STK24: variants seen among roughly 807,000 people sequenced by gnomAD.
The protein encoded by STK24 is serine/threonine kinase 24.
A neutral mutation model predicts 55.6 loss-of-function variants in STK24; 21 were observed. That is an observed-to-expected ratio of 0.38 (90% confidence interval 0.27 to 0.54). STK24 has a LOEUF of 0.54. Ranked by LOEUF, STK24 falls within the 20% of genes least tolerant of loss-of-function variation. The probability of loss-of-function intolerance (pLI) is 0.79; values close to 1 mark genes in which losing one functional copy is unlikely to be tolerated. For synonymous variants in STK24, 200 were observed against 215.2 expected (o/e 0.93, Z 0.62); for missense variants, 383 against 538.4 (o/e 0.71, Z 2.86).
At chr13:98,467,085 G>A (rs1008685506) in intron 5 of STK24, among the ~76,000 whole-genome samples, 1 of 152,178 alleles carries the variant, frequency 6.6e-6, no homozygotes, top group African/African-American at 2.4e-5. Context: ...GGAGGTGGAA[G>A]AGGAGGAGGT....
intron 2 of STK24, among the ~76,000 whole-genome samples, chr13:98,493,027 C>T (rs536291655): frequency 2.0e-5 from 3 of 152,322 alleles, no homozygotes; most frequent in East Asian, 3.9e-4. Flanking sequence ...AGCCAATGAA[C>T]TCTAATCTGA....
intron 1 of STK24, among the ~76,000 whole-genome samples, chr13:98,562,804 T>TA (rs1897460643): frequency 1.3e-5 from 2 of 150,536 alleles, no homozygotes; most frequent in Admixed American, 1.3e-4. Context: ...CAGTCCCAGC[T>TA]ACTCGGGAGG....
At chr13:98,549,637 C>T (rs770747604) in intron 1 of STK24, among the ~76,000 whole-genome samples, 6 of 152,178 alleles carry the variant, frequency 3.9e-5, no homozygotes, top group African/African-American at 7.2e-5. Flanking sequence ...ACTTCACCTT[C>T]GGCCATGAGT....
At chr13:98,552,040 G>A (rs1232800173) in intron 1 of STK24, among the ~76,000 whole-genome samples, 2 of 152,124 alleles carry the variant, frequency 1.3e-5, no homozygotes, top group African/African-American at 4.8e-5. Flanking sequence ...CTAAATGTAC[G>A]ATAGTGAACA....
intron 10 of STK24, chr13:98,456,585 G>A: frequency 2.1e-6 from 1 of 485,642 alleles, no homozygotes; most frequent in Non-Finnish European, 4.2e-6. Flanking sequence ...GAGGGGGCAG[G>A]GAGGGCAAAA....
At chr13:98,503,644 A>G (rs866798463) in intron 2 of STK24, among the ~76,000 whole-genome samples, 1 of 152,272 alleles carries the variant, frequency 6.6e-6, no homozygotes, top group Non-Finnish European at 1.5e-5. Context: ...TGACCTTTCT[A>G]ATACAGCCAC....
chr13:98,547,139 C>T (rs1897049807), intron 1 of STK24, among the ~76,000 whole-genome samples: 1 of 152,176 alleles, frequency 6.6e-6, no homozygotes, highest in South Asian at 2.1e-4. Context: ...GTCTCGATCT[C>T]CTGACCTCGT....
intron 1 of STK24, among the ~76,000 whole-genome samples, chr13:98,539,634 T>C (rs1896831469): frequency 6.6e-6 from 1 of 152,224 alleles, no homozygotes; most frequent in Admixed American, 6.5e-5. Context: ...ATTTCTCTCT[T>C]ATGTTACCTC....
At chr13:98,533,842 C>G (rs1252236703) in intron 1 of STK24, among the ~76,000 whole-genome samples, 1 of 152,120 alleles carries the variant, frequency 6.6e-6, no homozygotes, top group Non-Finnish European at 1.5e-5. Flanking sequence ...TCCGCAAGGT[C>G]ACAGTGCAGG....
rs1179311998 is a variant in STK24 at position 98,567,982 on chromosome 13, GGAGGTGCAGAAAACA to G, written c.42+8748_42+8762del. Among the ~76,000 whole-genome samples, 11 of 149,930 alleles carry G rather than the reference GGAGGTGCAGAAAACA, an allele frequency of 7.3e-5. No homozygotes were observed. The South Asian group carries it at 2.3e-3, about 32-fold the overall frequency. ...GAGTAGAGGAAGACAACGCTAAACC[GGAGGTGCAGAAAACA>G]GAGAACTTTTTTTTTTTTTGGAGGC... On this transcript the variant is annotated intron_variant, in intron 1 of 10. Transcript: ENST00000539966.
At chr13:98,467,311 A>G (rs1158432095) in intron 5 of STK24, among the ~76,000 whole-genome samples, 17 of 152,118 alleles carry the variant, frequency 1.1e-4, no homozygotes, top group Admixed American at 1.1e-3. Flanking sequence ...TCCCCCGAGT[A>G]TTTCCGTGTG....
chr13:98,528,922 G>A (rs1314590609), intron 1 of STK24, among the ~76,000 whole-genome samples: 1 of 152,192 alleles, frequency 6.6e-6, no homozygotes, highest in Non-Finnish European at 1.5e-5. Context: ...CTGGAGCAGG[G>A]AAGGGGAGTT....
chr13:98,538,550 C>T (rs1393421792), intron 1 of STK24, among the ~76,000 whole-genome samples: 10 of 151,854 alleles, frequency 6.6e-5, no homozygotes, highest in Admixed American at 6.6e-4. Context: ...CTTCCTCAAG[C>T]AGTAGCTTAC....
intron 1 of STK24, among the ~76,000 whole-genome samples, chr13:98,531,863 A>G (rs1896588062): frequency 6.6e-6 from 1 of 152,158 alleles, no homozygotes; most frequent in Non-Finnish European, 1.5e-5. Context: ...GACGCAGGAC[A>G]GTGCATCAGG....
At chr13:98,528,835 C>T (rs1048793135) in intron 1 of STK24, among the ~76,000 whole-genome samples, 20 of 152,162 alleles carry the variant, frequency 1.3e-4, no homozygotes, top group Non-Finnish European at 2.8e-4. Flanking sequence ...CTGAGGGTGA[C>T]GTGCTCTAAT....
At chr13:98,503,024 GTTTTTTT>G (rs398038978) in intron 2 of STK24, among the ~76,000 whole-genome samples, 1 of 107,084 alleles carries the variant, frequency 9.3e-6, no homozygotes, top group Non-Finnish European at 1.8e-5. Context: ...CTTTCCATGT[GTTTTTTT>G]TTTTTTTTTT....
chr13:98,464,872 G>T (rs1336182034), intron 6 of STK24, among the ~76,000 whole-genome samples: 5 of 152,182 alleles, frequency 3.3e-5, no homozygotes, highest in Non-Finnish European at 7.3e-5. Flanking sequence ...AATTATCTCA[G>T]AGAAACTGGA....
chr13:98,451,733 CAT>C lies in STK24; in HGVS notation c.*1438_*1439del, dbSNP rs1216184631. 2.0e-5 allele frequency: 3 copies of C among 152,310 alleles called. No homozygotes were observed. Among genetic ancestry groups the C allele is most frequent in the East Asian group, 3.9e-4 (2 of 5,182 alleles). The allele number at this position is 152,310 out of a possible 1,614,324, so 9.4% of individuals were successfully genotyped here. On this transcript the variant is annotated 3_prime_UTR_variant, in exon 11 of 11. Transcript: ENST00000539966. Reference sequence around the variant, plus strand: ...GATGTCAATCATCAGCTTCAACAAACATAAAAGAATGCTTCATGTACCAGTCA... The same window carrying C: ...GATGTCAATCATCAGCTTCAACAAACAAAAGAATGCTTCATGTACCAGTCA...
chr13:98,483,212 G>A (rs1894668366), intron 2 of STK24, among the ~76,000 whole-genome samples: 2 of 152,368 alleles, frequency 1.3e-5, no homozygotes, highest in Admixed American at 1.3e-4. Context: ...GGCCCGGGCA[G>A]CTGTCTCCTG....
Sources: gnomAD v4.1 joint callset for allele counts (sites outside exome capture counted in the v4.1 genomes callset) on GRCh38, gnomAD v4.1.1 for gene constraint, MANE v1.5 for transcripts, NCBI Gene and HGNC (gene_info 2026-07-23, HGNC 2026-07-21) for gene names.